Variants in KCTD1 observed in about 807,000 individuals in gnomAD.
The protein encoded by KCTD1 is potassium channel tetramerization domain containing 1.
A neutral mutation model predicts 66.0 loss-of-function variants in KCTD1; 24 were observed. The ratio of observed to expected loss-of-function variants is 0.36; its 90% CI spans 0.26 to 0.51. The LOEUF is 0.51. KCTD1 is among the 20% of genes least tolerant of loss of function. The pLI is 0.95. For missense variants in KCTD1, 943 were observed against 1,205.2 expected (o/e 0.78, Z 3.22); for synonymous variants, 511 against 517.2 (o/e 0.99, Z 0.16).
chr18:26,503,353 A>ACCTT (rs1982865478), intron 1 of KCTD1, among the ~76,000 whole-genome samples: 1 of 152,232 alleles, frequency 6.6e-6, no homozygotes, highest in South Asian at 2.1e-4. Context: ...TGAAACAGGT[A>ACCTT]AGGTTCAGAA....
At chr18:26,611,475 T>C (rs556612449) in intron 1 of KCTD1, among the ~76,000 whole-genome samples, 7 of 152,212 alleles carry the variant, frequency 4.6e-5, no homozygotes, top group African/African-American at 1.7e-4. Flanking sequence ...CTCAACCACC[T>C]GAGTAGCTGG....
intron 2 of KCTD1, among the ~76,000 whole-genome samples, chr18:26,483,804 G>A (rs751152390): frequency 2.0e-5 from 3 of 150,710 alleles, no homozygotes; most frequent in Non-Finnish European, 4.5e-5. Flanking sequence ...GACACCGCAC[G>A]TGCAACCTAA....
At chr18:26,655,962 T>C (rs1374199584) in intron 1 of KCTD1, 6 of 152,192 alleles carry the variant, frequency 3.9e-5, no homozygotes, top group Admixed American at 3.9e-4. Context: ...CGCGGACTGT[T>C]TTCCAGCCAG....
chr18:26,517,418 G>A (rs1401493162), intron 1 of KCTD1, among the ~76,000 whole-genome samples: 1 of 152,190 alleles, frequency 6.6e-6, no homozygotes, highest in Admixed American at 6.5e-5. Context: ...CACTTTGGGA[G>A]GCTGAGGTGG....
At chr18:26,539,933 T>C (rs765482305) in intron 1 of KCTD1, among the ~76,000 whole-genome samples, 1 of 152,200 alleles carries the variant, frequency 6.6e-6, no homozygotes, top group Non-Finnish European at 1.5e-5. Flanking sequence ...GAACATTTTG[T>C]CTAAATGGAG....
At chr18:26,515,154 T>C (rs1303352613) in intron 1 of KCTD1, among the ~76,000 whole-genome samples, 1 of 152,190 alleles carries the variant, frequency 6.6e-6, no homozygotes. Context: ...AAGTTTCCTA[T>C]AAAAATGGAA....
chr18:26,460,996 C>A (rs1352040384), intron 3 of KCTD1: 1 of 152,198 alleles, frequency 6.6e-6, no homozygotes, highest in Non-Finnish European at 1.5e-5. Flanking sequence ...GGCATTTGTG[C>A]CTTCCGTCCA....
At chr18:26,494,449 A>G (rs984554602) in intron 2 of KCTD1, among the ~76,000 whole-genome samples, 1 of 152,194 alleles carries the variant, frequency 6.6e-6, no homozygotes, top group African/African-American at 2.4e-5. Context: ...CTTTCCTTTA[A>G]ATTAGGCTCG....
At chr18:26,582,049 C>T (rs1347729603) in intron 1 of KCTD1, among the ~76,000 whole-genome samples, 4 of 150,518 alleles carry the variant, frequency 2.7e-5, no homozygotes, top group Non-Finnish European at 5.9e-5. Context: ...GGGTAAGTCG[C>T]GTGAGCTCAA....
At chr18:26,628,855 G>A (rs183519929) in intron 1 of KCTD1, among the ~76,000 whole-genome samples, 6 of 152,284 alleles carry the variant, frequency 3.9e-5, no homozygotes, top group Admixed American at 6.5e-5. Context: ...CCACAATTTG[G>A]TTTAAATCTG....
At chr18:26,536,656 G>A (rs77135007) in intron 1 of KCTD1, among the ~76,000 whole-genome samples, 2,174 of 152,188 alleles carry the variant, frequency 0.014, 58 homozygotes, top group African/African-American at 0.049. Flanking sequence ...CTTGCCCTAG[G>A]TATTCCACTG....
intron 2 of KCTD1, among the ~76,000 whole-genome samples, chr18:26,493,282 A>G (rs984156368): frequency 6.6e-6 from 1 of 152,198 alleles, no homozygotes; most frequent in African/African-American, 2.4e-5. Flanking sequence ...TGGCTAGCAG[A>G]GTGGCCTTCA....
Position 26,547,900 on chromosome 18 carries a change from C to A in KCTD1, c.637G>T (p.Ala213Ser). The A allele has an allele frequency of 6.5e-7, 1 of 1,543,712 alleles. No homozygotes were observed. The change falls in exon 1 of 5, where the codon GCC (alanine) becomes TCC (serine). Residue 213 changes from alanine to serine, a missense_variant. Transcript: ENST00000580059. ...ALCRVLRSFY[A>S]EARSKSGQLY... ...TGGCCGCTTTTGGAGCGGGCCTCGG[C>A]ATAGAAGGAGCGCAGCACGCGGCAC...
At chr18:26,490,574 A>C (rs1281713919) in intron 2 of KCTD1, among the ~76,000 whole-genome samples, 1 of 152,156 alleles carries the variant, frequency 6.6e-6, no homozygotes, top group African/African-American at 2.4e-5. Context: ...AAGACTCAAA[A>C]TGTTTGACTT....
chr18:26,619,696 G>C (rs500935), intron 1 of KCTD1, among the ~76,000 whole-genome samples: 42,539 of 151,996 alleles, frequency 0.28, 6,102 homozygotes, highest in African/African-American at 0.32. Context: ...GGCAGTGCGG[G>C]CTTGTAAAAT....
intron 1 of KCTD1, among the ~76,000 whole-genome samples, chr18:26,619,098 GA>G (rs1328414229): frequency 3.9e-5 from 6 of 151,982 alleles, no homozygotes; most frequent in Admixed American, 6.6e-5. Flanking sequence ...TTGAGTACTA[GA>G]AAAAAAAGTT....
chr18:26,513,779 T>C (rs1983480617), intron 1 of KCTD1, among the ~76,000 whole-genome samples: 1 of 152,232 alleles, frequency 6.6e-6, no homozygotes, highest in South Asian at 2.1e-4. Context: ...AAAGCTAGCA[T>C]TTTAGAAGGT....
chr18:26,655,410 TTA>T (rs1316351024), intron 1 of KCTD1, among the ~76,000 whole-genome samples: 1 of 151,136 alleles, frequency 6.6e-6, no homozygotes, highest in Non-Finnish European at 1.5e-5. Context: ...TGTTAAACTG[TTA>T]TGTCTCCCAG....
intron 1 of KCTD1, among the ~76,000 whole-genome samples, chr18:26,539,398 AG>A (rs1380249886): frequency 6.6e-6 from 1 of 152,222 alleles, no homozygotes; most frequent in Non-Finnish European, 1.5e-5. Flanking sequence ...GGGCTGATTC[AG>A]GGGCACAGAG....
Sources: gnomAD v4.1 joint callset for allele counts (sites outside exome capture counted in the v4.1 genomes callset) on GRCh38, gnomAD v4.1.1 for gene constraint, MANE v1.5 for transcripts, NCBI Gene and HGNC (gene_info 2026-07-23, HGNC 2026-07-21) for gene names.